The following SMURF1 variants were observed in gnomAD, a reference collection of about 807,000 sequenced individuals.
The protein encoded by SMURF1 is E3 ubiquitin-protein ligase SMURF1.
SMURF1 carries 44 observed loss-of-function variants against 98.0 expected under a neutral mutation model. That is an observed-to-expected ratio of 0.45 (90% confidence interval 0.35 to 0.58). The LOEUF (loss-of-function observed/expected upper bound fraction) is 0.58. SMURF1 is among the 20% of genes least tolerant of loss of function. The pLI, the probability that SMURF1 is intolerant of heterozygous loss-of-function variation, is 0.00. For synonymous variants in SMURF1, 396 were observed against 374.9 expected, an observed-to-expected ratio of 1.06 and a Z score of -0.65; for missense variants, 687 against 938.4, an observed-to-expected ratio of 0.73 and a Z score of 3.50.
intron 17 of SMURF1, among the ~76,000 whole-genome samples, chr7:99,031,929 T>C (rs1794905528): frequency 6.6e-6 from 1 of 152,198 alleles, no homozygotes; most frequent in African/African-American, 2.4e-5. Context: ...TGTACGCAAG[T>C]GATTGTATTT....
intron 3 of SMURF1, 50 bp from the exon 4 acceptor site, chr7:99,057,601 T>TG (rs34014072): frequency 0.37 from 534,249 of 1,443,068 alleles, 92,634 homozygotes; most frequent in African/African-American, 0.73. Flanking sequence ...GTTTTTTTTG[T>TG]TTTGTTTTTT....
At chr7:99,057,659 C>T in intron 3 of SMURF1, 108 bp from the exon 4 acceptor site, 1 of 1,308,968 alleles carries the variant, frequency 7.6e-7, no homozygotes, top group South Asian at 1.8e-5. Flanking sequence ...GGCTGGAGTG[C>T]AGTTGTGTGA....
rs569724191 is a variant in SMURF1, at chr7:99,030,708, C to T, written c.2097-25G>A. 1.4e-4 allele frequency: 219 copies of T among 1,604,288 alleles called. 3 individuals carry two copies. In the South Asian group the frequency reaches 2.3e-3, roughly 17 times the overall value. On this transcript the variant is annotated intron_variant, in intron 17 of 17. Coordinates refer to ENST00000361368, the MANE Select transcript of SMURF1 (RefSeq NM_181349.3). The stretch of plus-strand genomic sequence containing the variant: ...GCTGAAAAAGGACAAAAGAGAGTCA[C>T]CGTGTGGGCAGTCCAGCCCTAGGAC...
intron 1 of SMURF1, among the ~76,000 whole-genome samples, chr7:99,106,731 G>A (rs1797202377): frequency 6.6e-6 from 1 of 152,126 alleles, no homozygotes; most frequent in African/African-American, 2.4e-5. Flanking sequence ...GGGCAATATA[G>A]CGAGACCTTG....
chr7:99,060,528 A>G, intron 3 of SMURF1, 71 bp downstream of exon 3: 1 of 894,262 alleles, frequency 1.1e-6, no homozygotes, highest in Non-Finnish European at 1.7e-6. Context: ...TTTCTCTTGG[A>G]TGTTTCTCGT....
At chr7:99,136,340 A>C (rs1332524256) in intron 1 of SMURF1, among the ~76,000 whole-genome samples, 3 of 152,138 alleles carry the variant, frequency 2.0e-5, no homozygotes, top group African/African-American at 7.2e-5. Context: ...AAGGCTCTTT[A>C]TATATTAGGA....
At chr7:99,034,282 G>A (rs1795036042) in intron 16 of SMURF1, among the ~76,000 whole-genome samples, 1 of 152,200 alleles carries the variant, frequency 6.6e-6, no homozygotes, top group Non-Finnish European at 1.5e-5. Flanking sequence ...TGTGACCCTG[G>A]TCACCTCTGA....
intron 1 of SMURF1, among the ~76,000 whole-genome samples, chr7:99,063,212 C>G (rs1752473008): frequency 2.0e-5 from 2 of 97,984 alleles, no homozygotes; most frequent in African/African-American, 9.6e-5. Context: ...TTTATATAGT[C>G]AAGATATATA....
chr7:99,127,063 AG>A (rs1797762043), intron 1 of SMURF1, among the ~76,000 whole-genome samples: 4 of 152,210 alleles, frequency 2.6e-5, no homozygotes, highest in Non-Finnish European at 5.9e-5. Context: ...CTTCTGTGGC[AG>A]AGCTGGAGGT....
chr7:99,087,644 G>T (rs1212117102), intron 1 of SMURF1, among the ~76,000 whole-genome samples: 1 of 152,188 alleles, frequency 6.6e-6, no homozygotes, highest in African/African-American at 2.4e-5. Flanking sequence ...AAATGCATCA[G>T]CAAGAAAAGC....
intron 1 of SMURF1, among the ~76,000 whole-genome samples, chr7:99,076,609 C>G (rs1371217547): frequency 6.6e-6 from 1 of 152,222 alleles, no homozygotes; most frequent in Non-Finnish European, 1.5e-5. Flanking sequence ...AATGTGATGT[C>G]ATATCCTGGA....
intron 1 of SMURF1, among the ~76,000 whole-genome samples, chr7:99,107,043 C>A (rs1026739853): frequency 6.6e-6 from 1 of 152,136 alleles, no homozygotes; most frequent in Non-Finnish European, 1.5e-5. Context: ...GGTAAAAGTA[C>A]ATTCATGTGT....
At position 99,035,727 on chromosome 7, in the gene SMURF1, G is replaced by A; in HGVS notation, c.1810-11C>T. On this transcript the variant is annotated splice_polypyrimidine_tract_variant and intron_variant, in intron 15 of 17. Coordinates refer to ENST00000361368, the MANE Select transcript of SMURF1 (RefSeq NM_181349.3). The stretch of plus-strand genomic sequence containing the variant: ...GCCGCCTATGATCAGCTGAGGAGGT[G>A]CAGAAAGGTGAATTACTTCCAAAAT... The A allele has an allele frequency of 6.2e-7, 1 of 1,612,560 alleles. No individual in the cohort carries two copies. Among genetic ancestry groups the A allele is most frequent in the Non-Finnish European group, 8.5e-7 (1 of 1,179,032 alleles).
chr7:99,052,176 A>G lies in SMURF1; in HGVS notation c.721+29T>C, dbSNP rs201145785. The G allele has an allele frequency of 1.0e-4, 154 of 1,489,510 alleles. 2 individuals carry two copies. The East Asian group carries it at 3.7e-3, about 35-fold the overall frequency. 92.3% of individuals were successfully genotyped at this position (1,489,510 alleles called of 1,614,324 possible). On this transcript the variant is annotated intron_variant, in intron 7 of 17. Coordinates refer to ENST00000361368, the MANE Select transcript of SMURF1 (RefSeq NM_181349.3). ...AACTCATGGAAACAGGGCAGATGGC[A>G]TTGGCCACAGCAGGATACATTCTCT... is the stretch of plus-strand genomic sequence containing the variant.
chr7:99,134,733 T>C (rs1300484894), intron 1 of SMURF1, among the ~76,000 whole-genome samples: 1 of 152,220 alleles, frequency 6.6e-6, no homozygotes, highest in Non-Finnish European at 1.5e-5. Context: ...ATTTTAAAGA[T>C]GAGATTATTT....
intron 1 of SMURF1, among the ~76,000 whole-genome samples, chr7:99,076,817 A>ATGTGTGCACGTGTGCCCATGTGTATG (rs1796470535): frequency 6.6e-6 from 1 of 150,596 alleles, no homozygotes; most frequent in African/African-American, 2.4e-5. Flanking sequence ...GCAAGTGTGC[A>ATGTGTGCACGTGTGCCCATGTGTATG]TGTGTGCACG....
intron 1 of SMURF1, among the ~76,000 whole-genome samples, chr7:99,130,725 A>G (rs943937600): frequency 6.6e-6 from 1 of 152,206 alleles, no homozygotes. Context: ...TTAAAAGAAA[A>G]CAATCGGTAT....
At chr7:99,067,254 C>T (rs1351589883) in intron 1 of SMURF1, among the ~76,000 whole-genome samples, 1 of 151,546 alleles carries the variant, frequency 6.6e-6, no homozygotes, top group African/African-American at 2.4e-5. Flanking sequence ...CCTCGGCCTC[C>T]CAAAGTGCTG....
chr7:99,099,972 AG>A (rs1797038329), intron 1 of SMURF1, among the ~76,000 whole-genome samples: 1 of 152,206 alleles, frequency 6.6e-6, no homozygotes, highest in Non-Finnish European at 1.5e-5. Flanking sequence ...TAAACGAACT[AG>A]GACAGCCACC....
Sources: allele counts gnomAD v4.1 joint callset (sites outside exome capture counted in the v4.1 genomes callset), GRCh38; gene constraint gnomAD v4.1.1; transcripts MANE v1.5; gene names NCBI Gene and HGNC (gene_info 2026-07-23, HGNC 2026-07-21).